SEL1L: variants seen among roughly 807,000 people sequenced by gnomAD.
SEL1L encodes the protein protein sel-1 homolog 1.
SEL1L carries 52 observed loss-of-function variants against 109.8 expected under a neutral mutation model. The observed-to-expected ratio is 0.47, with a 90% CI of 0.38 to 0.60. The LOEUF is 0.60. Ranked by LOEUF, SEL1L falls within the 20% of genes least tolerant of loss-of-function variation. The pLI, the probability that SEL1L is intolerant of heterozygous loss-of-function variation, is 0.00. For synonymous variants in SEL1L, 373 were observed against 339.6 expected (o/e 1.10, Z -1.08); for missense variants, 749 against 962.2 (o/e 0.78, Z 2.93).
At chr14:81,498,067 A>G in intron 9 of SEL1L, 21 bp from the exon 10 acceptor site, 1 of 1,596,164 alleles carries the variant, frequency 6.3e-7, no homozygotes. Context: ...GGGATAAAAC[A>G]ATAAGGTGGA....
At chr14:81,506,942 G>A (rs1454704511) in intron 3 of SEL1L, among the ~76,000 whole-genome samples, 6 of 152,214 alleles carry the variant, frequency 3.9e-5, no homozygotes, top group Non-Finnish European at 5.9e-5. Flanking sequence ...AAGCAAATGT[G>A]TGATGGATGC....
intron 3 of SEL1L, among the ~76,000 whole-genome samples, chr14:81,524,600 G>C (rs1273605440): frequency 6.6e-6 from 1 of 152,184 alleles, no homozygotes; most frequent in Non-Finnish European, 1.5e-5. Flanking sequence ...GGCTGGGTGC[G>C]GTGGCTCACG....
chr14:81,509,111 G>A (rs1207714784), intron 3 of SEL1L, among the ~76,000 whole-genome samples: 1 of 152,130 alleles, frequency 6.6e-6, no homozygotes, highest in African/African-American at 2.4e-5. Context: ...ATCACAATAT[G>A]GAAAGTGTTA....
rs1233330320 is a variant in SEL1L, at chr14:81,510,506, CTCTCTCTCTATA to C, written c.341-4277_341-4266del. ...TCTCTCTCTCTCTCTCTCTCTCTCT[CTCTCTCTCTATA>C]TATATATATATAGACAATTAAAGGC... On this transcript the variant is annotated intron_variant, in intron 3 of 20. Coordinates refer to ENST00000336735, the MANE Select transcript of SEL1L (RefSeq NM_005065.6). Among the ~76,000 whole-genome samples the C allele has an allele frequency of 1.7e-4, 21 of 121,040 alleles. 1 individual carries two copies. The highest frequency in any genetic ancestry group is 1.5e-3 in the East Asian group (6 of 3,878). 79.4% of individuals were successfully genotyped at this position (121,040 alleles called of 152,430 possible). A position where few individuals can be genotyped will look rare whatever the true frequency, so the allele number is the denominator to read the frequency against.
At chr14:81,519,984 G>A (rs1384769732) in intron 3 of SEL1L, among the ~76,000 whole-genome samples, 1 of 152,126 alleles carries the variant, frequency 6.6e-6, no homozygotes, top group Non-Finnish European at 1.5e-5. Flanking sequence ...CATCTCTCAG[G>A]CAAACAGGGA....
rs553977758 is a variant in SEL1L, at chr14:81,491,129, G to A, written c.1255-664C>T. Among the ~76,000 whole-genome samples, 5 of 152,288 alleles carry A rather than the reference G, an allele frequency of 3.3e-5. 1 individual carries two copies. The South Asian group carries it at 8.3e-4, about 25-fold the overall frequency. ...GTCAAATGGTTAGTAAGTTGCTTAGGATCAGATCAGTGATTCAACAAGGAA... is the reference window on the plus strand; with the variant it reads ...GTCAAATGGTTAGTAAGTTGCTTAGAATCAGATCAGTGATTCAACAAGGAA... On this transcript the variant is annotated intron_variant, in intron 12 of 20. Coordinates refer to ENST00000336735, the MANE Select transcript of SEL1L (RefSeq NM_005065.6).
rs577925425 is a variant in SEL1L at position 81,495,617 on chromosome 14, G to A, written c.1129-480C>T. Among the ~76,000 whole-genome samples the A allele has an allele frequency of 3.3e-5, 5 of 152,240 alleles. No homozygotes were observed. In the South Asian group the frequency reaches 8.3e-4, roughly 25 times the overall value. ...TGTGCTGCTGCACTCCAGCCTGGGCGACAGAGAGAGATGTTTTCTCAAAAA... is the reference window on the plus strand; with the variant it reads ...TGTGCTGCTGCACTCCAGCCTGGGCAACAGAGAGAGATGTTTTCTCAAAAA... On this transcript the variant is annotated intron_variant, in intron 10 of 20. Coordinates refer to ENST00000336735, the MANE Select transcript of SEL1L (RefSeq NM_005065.6).
intron 4 of SEL1L, among the ~76,000 whole-genome samples, chr14:81,505,582 G>A (rs1296569467): frequency 6.6e-6 from 1 of 152,132 alleles, no homozygotes; most frequent in Non-Finnish European, 1.5e-5. Context: ...TAGTTAGGAA[G>A]TTTTTCCTGA....
chr14:81,493,886 T>C (rs1278325507), intron 11 of SEL1L, among the ~76,000 whole-genome samples: 1 of 152,206 alleles, frequency 6.6e-6, no homozygotes, highest in Non-Finnish European at 1.5e-5. Context: ...CTGGTTTCCA[T>C]CCTAAGTCTA....
intron 1 of SEL1L, among the ~76,000 whole-genome samples, chr14:81,528,574 G>C (rs76116948): frequency 0.094 from 14,319 of 152,082 alleles, 2,107 homozygotes; most frequent in African/African-American, 0.31. Context: ...TGTTCAGATG[G>C]AAATGCTTGA....
chr14:81,504,661 A>C (rs1884163264), intron 4 of SEL1L, among the ~76,000 whole-genome samples: 1 of 152,058 alleles, frequency 6.6e-6, no homozygotes, highest in Non-Finnish European at 1.5e-5. Context: ...TGTCCCCACC[A>C]AATCTCACAC....
chr14:81,498,481 C>G lies in SEL1L; in HGVS notation c.905G>C (p.Trp302Ser), dbSNP rs763506126. The G allele has an allele frequency of 6.2e-7, 1 of 1,613,952 alleles. No homozygotes were observed. The highest frequency in any genetic ancestry group is 8.5e-7 in the Non-Finnish European group (1 of 1,179,878). ...ACTCTGGAGGACGCCGATGCCAGCC[C>G]AGTATCTGTAACCCTGTAAAACAAC... ...IAHMVLGYRY[W>S]AGIGVLQSCE... Residue 302 changes from tryptophan (W) to serine (S), a missense_variant, in exon 9 of 21, where the codon TGG becomes TCG. By Grantham distance (177) the Trp-to-Ser change is radical. Transcript: ENST00000336735.
intron 3 of SEL1L, among the ~76,000 whole-genome samples, chr14:81,520,832 A>G (rs1884878485): frequency 6.6e-6 from 1 of 152,222 alleles, no homozygotes; most frequent in South Asian, 2.1e-4. Flanking sequence ...CACATACACT[A>G]TGTAATTATC....
intron 19 of SEL1L, among the ~76,000 whole-genome samples, chr14:81,483,950 A>G (rs1320707404): frequency 1.3e-5 from 2 of 152,238 alleles, no homozygotes; most frequent in Non-Finnish European, 2.9e-5. Flanking sequence ...TAGTTTCTCA[A>G]ACAAGTAGTT....
rs774540717 is a variant in SEL1L, at chr14:81,504,289, TAGC to T, written c.523_525del (p.Ala175del). 1 of 1,595,720 alleles carries T rather than the reference TAGC, an allele frequency of 6.3e-7. No individual in the cohort carries two copies. The highest frequency in any genetic ancestry group is 2.3e-5 in the East Asian group (1 of 43,622). ...TCTGCTTCCTGCATCTGCCGTCTCT[TAGC>T]AGCCTCTTCTTCAGCTAAAAACAAA... On this transcript the variant is annotated inframe_deletion, in exon 5 of 21. Coordinates refer to ENST00000336735, the MANE Select transcript of SEL1L (RefSeq NM_005065.6).
intron 13 of SEL1L, 36 bp downstream of exon 13, chr14:81,490,352 T>C (rs759584727): frequency 2.0e-5 from 29 of 1,441,730 alleles, no homozygotes; most frequent in Non-Finnish European, 2.5e-5. Context: ...ATTAGTAATA[T>C]GGTACACATT....
chr14:81,525,063 T>C (rs1407245979), intron 3 of SEL1L, among the ~76,000 whole-genome samples: 1 of 152,136 alleles, frequency 6.6e-6, no homozygotes, highest in East Asian at 1.9e-4. Context: ...GAAAAGAACA[T>C]TCTTACTAGA....
At position 81,495,061 on chromosome 14, in the gene SEL1L, C is replaced by T; in HGVS notation, c.1185+20G>A. On this transcript the variant is annotated intron_variant, in intron 11 of 20. Transcript: ENST00000336735. ...TCCTGCTAAAACTGAGATGCAAAGC[C>T]CTAGGAACAGGGTAGTTACCTGATG... 3.7e-6 allele frequency: 6 copies of T among 1,611,640 alleles called. No homozygotes were observed. The highest frequency in any genetic ancestry group is 5.1e-6 in the Non-Finnish European group (6 of 1,178,390).
At chr14:81,515,404 T>C (rs1301813314) in intron 3 of SEL1L, among the ~76,000 whole-genome samples, 1 of 152,216 alleles carries the variant, frequency 6.6e-6, no homozygotes, top group Non-Finnish European at 1.5e-5. Context: ...AATGCAGCTT[T>C]AGCTGCAGCC....
Sources: gnomAD v4.1 joint callset for allele counts (sites outside exome capture counted in the v4.1 genomes callset) on GRCh38, gnomAD v4.1.1 for gene constraint, MANE v1.5 for transcripts, NCBI Gene and HGNC (gene_info 2026-07-23, HGNC 2026-07-21) for gene names.